NPBWR1: variants seen among roughly 807,000 people sequenced by gnomAD.
NPBWR1 encodes neuropeptides B and W receptor 1, also known as neuropeptides B/W receptor type 1.
Under a neutral mutation model 2.8 loss-of-function variants are expected in NPBWR1, and 4 were observed. The observed-to-expected ratio is 1.44, with a 90% CI of 0.71 to 3.29. The LOEUF is 3.29. Among genes scored for constraint, NPBWR1 ranks in the 30% most tolerant of loss-of-function variants. The pLI, the probability that NPBWR1 is intolerant of heterozygous loss-of-function variation, is 0.01. For synonymous variants in NPBWR1, 250 were observed against 224.5 expected, an observed-to-expected ratio of 1.11 and a Z score of -1.02; for missense variants, 545 against 462.5, an observed-to-expected ratio of 1.18 and a Z score of -1.64.
At position 52,940,383 on chromosome 8, in the gene NPBWR1, G is replaced by T; in HGVS notation, c.476G>T (p.Ser159Ile). ...ACCTACAGCGCCGCGCGCGCGGTGA[G>T]CCTGGCCGTGTGGGGGATCGTCACA... Reference protein sequence around the residue: ...GRTYSAARAVSLAVWGIVTLV... With the variant: ...GRTYSAARAVILAVWGIVTLV... The change falls in exon 2 of 2, where the codon AGC becomes ATC. Residue 159 changes from serine (S) to isoleucine (I), a missense_variant. Transcript: ENST00000674939. 1 of 1,603,770 alleles carries T rather than the reference G, an allele frequency of 6.2e-7. No homozygotes were observed. The highest frequency in any genetic ancestry group is 8.5e-7 in the Non-Finnish European group (1 of 1,178,730).
rs372278903 is a variant in NPBWR1, at chr8:52,939,921, C to G, written c.14C>G (p.Ser5Trp). The change falls in exon 2 of 2, where the codon TCG becomes TGG. Residue 5 changes from serine (S) to tryptophan (W), a missense_variant. Transcript: ENST00000674939. ...GCCCTCGTTGAGATGGACAACGCCT[C>G]GTTCTCGGAGCCCTGGCCCGCCAAC... Reference protein sequence around the residue: MDNASFSEPWPANAS... With the variant: MDNAWFSEPWPANAS... 1 of 1,548,928 alleles carries G rather than the reference C, an allele frequency of 6.5e-7. No individual in the cohort carries two copies. The highest frequency in any genetic ancestry group is 2.3e-5 in the East Asian group (1 of 44,228).
chr8:52,940,527 C>A lies in NPBWR1; in HGVS notation c.620C>A (p.Thr207Lys), dbSNP rs1189726218. 3 of 1,594,206 alleles carry A rather than the reference C, an allele frequency of 1.9e-6. No individual in the cohort carries two copies. Among genetic ancestry groups the A allele is most frequent in the Non-Finnish European group, 2.6e-6 (3 of 1,173,778 alleles). Residue 207 changes from threonine (T) to lysine (K), a missense_variant, in exon 2 of 2, where the codon ACG becomes AAG. By Grantham distance (78) the Thr-to-Lys change is moderately conservative (BLOSUM62 -1). Coordinates refer to ENST00000674939, the MANE Select transcript of NPBWR1 (RefSeq NM_005285.5). ...TGGTGGCGCGCGAGCCGCCTCTACA[C>A]GCTCGTGCTGGGCTTCGCCATCCCC... is the stretch of plus-strand genomic sequence containing the variant. ...AFWWRASRLY[T>K]LVLGFAIPVS... is the part of the protein sequence containing the mutation.
In NPBWR1 at chr8:52,942,590, A is replaced by G. The variant is rs1351603706; in HGVS notation, c.*1696A>G. ...TTTGGCATCTTCAATCAATTTCTCA[A>G]TTATTTAGGTTGAAAATAGCTTTTA... On this transcript the variant is annotated 3_prime_UTR_variant, in exon 2 of 2. Coordinates refer to ENST00000674939, the MANE Select transcript of NPBWR1 (RefSeq NM_005285.5). Among the ~76,000 whole-genome samples, 1 of 152,216 alleles carries G rather than the reference A, an allele frequency of 6.6e-6. No homozygotes were observed. The highest frequency in any genetic ancestry group is 1.9e-4 in the East Asian group (1 of 5,200).
Position 52,943,062 on chromosome 8 carries a change from G to A in NPBWR1, c.*2168G>A, listed in dbSNP as rs1408676281. ...TAAGGTGATGGACAAAGAGTAAGGTGAACATTTGGCTACAAACACAGCTGG... is the reference window on the plus strand; with the variant it reads ...TAAGGTGATGGACAAAGAGTAAGGTAAACATTTGGCTACAAACACAGCTGG... On this transcript the variant is annotated 3_prime_UTR_variant, in exon 2 of 2. Transcript: ENST00000674939. Among the ~76,000 whole-genome samples, 2 of 152,216 alleles carry A rather than the reference G, an allele frequency of 1.3e-5. No homozygotes were observed. Among genetic ancestry groups the A allele is most frequent in the African/African-American group, 2.4e-5 (1 of 41,456 alleles).
In NPBWR1 at chr8:52,939,798, G is replaced by T; in HGVS notation, c.-110G>T. ...AAACCAGAGAACGGCTTGGAGAGCT[G>T]AAACGAGCGTCCGCGAGCAGGTCCG... On this transcript the variant is annotated 5_prime_UTR_variant, in exon 2 of 2. Transcript: ENST00000674939. 7.9e-7 allele frequency: 1 copy of T among 1,269,964 alleles called. No homozygotes were observed. The highest frequency in any genetic ancestry group is 1.7e-5 in the South Asian group (1 of 59,728). The allele number at this position is 1,269,964 out of a possible 1,614,324, so 78.7% of individuals were successfully genotyped here.
rs1314389525 is a variant in NPBWR1, at chr8:52,940,007, G to GC, written c.101dup (p.Pro35AlafsTer326). 6.2e-7 allele frequency: 1 copy of GC among 1,604,192 alleles called. No individual in the cohort carries two copies. Among genetic ancestry groups the GC allele is most frequent in the East Asian group, 2.2e-5 (1 of 44,840 alleles). On this transcript the variant is annotated frameshift_variant, in exon 2 of 2. Transcript: ENST00000674939. LOFTEE classifies it low-confidence loss of function (END_TRUNC). Reference sequence around the variant, plus strand: ...CGCGTCGACTCTGGCGCCGCTGCCGGCGCCGCTGGCGGTGGCTGTACCAGT... The same window carrying GC: ...CGCGTCGACTCTGGCGCCGCTGCCGGCCGCCGCTGGCGGTGGCTGTACCAGT...
rs552619143 is a variant in NPBWR1 at position 52,943,128 on chromosome 8, C to T, written c.*2234C>T. ...TCAGTATCTCATCTGTCTTAATAAG[C>T]TCAGTAACTGGACTCAGATGGGGGA... On this transcript the variant is annotated 3_prime_UTR_variant, in exon 2 of 2. Transcript: ENST00000674939. 6.6e-6 allele frequency among the ~76,000 whole-genome samples: 1 copy of T among 152,314 alleles called. No homozygotes were observed. Among genetic ancestry groups the T allele is most frequent in the African/African-American group, 2.4e-5 (1 of 41,540 alleles).
rs1860164191 is a variant in NPBWR1 at position 52,940,070 on chromosome 8, A to G, written c.163A>G (p.Asn55Asp). ...AVICAVGLAG[N>D]SAVLYVLLRA... The stretch of plus-strand genomic sequence containing the variant: ...GATCTGCGCCGTGGGTCTGGCGGGC[A>G]ACTCCGCCGTGCTGTACGTGTTGCT... Residue 55 changes from asparagine (N) to aspartate (D), a missense_variant, in exon 2 of 2, where the codon AAC (asparagine) becomes GAC (aspartate). Asn to Asp is a conservative substitution (Grantham distance 23, BLOSUM62 1). Transcript: ENST00000674939. The G allele has an allele frequency of 2.5e-6, 4 of 1,610,078 alleles. No individual in the cohort carries two copies. Among genetic ancestry groups the G allele is most frequent in the Non-Finnish European group, 3.4e-6 (4 of 1,179,914 alleles).
Position 52,941,980 on chromosome 8 carries a change from T to C in NPBWR1, c.*1086T>C, listed in dbSNP as rs1477238725. 1.3e-5 allele frequency among the ~76,000 whole-genome samples: 2 copies of C among 152,262 alleles called. No homozygotes were observed. The highest frequency in any genetic ancestry group is 4.8e-5 in the African/African-American group (2 of 41,464). ...TCAGTTTGTTGTAACTGTTCATGTG[T>C]GTACTGTTTTTCAGGACTGAAAACT... On this transcript the variant is annotated 3_prime_UTR_variant, in exon 2 of 2. Transcript: ENST00000674939.
rs1163156562 is a variant in NPBWR1, at chr8:52,940,681, G to A, written c.774G>A (p.Ala258=). ...CCTTCCTGGTGGTGGCAATCCTGGC[G>A]GTGTGCCTCCTCTGCTGGACGCCCT... ...RVTFLVVAIL[A]VCLLCWTPYH... Residue 258 remains alanine (A), a synonymous_variant, in exon 2 of 2, where the codon GCG becomes GCA. Coordinates refer to ENST00000674939, the MANE Select transcript of NPBWR1 (RefSeq NM_005285.5). 6.2e-7 allele frequency: 1 copy of A among 1,612,482 alleles called. No individual in the cohort carries two copies. Among genetic ancestry groups the A allele is most frequent in the African/African-American group, 1.3e-5 (1 of 74,944 alleles).
In NPBWR1 at chr8:52,940,005, C is replaced by A. The variant is rs569623256; in HGVS notation, c.98C>A (p.Pro33Gln). 15 of 1,604,158 alleles carry A rather than the reference C, an allele frequency of 9.4e-6. No homozygotes were observed. In the Admixed American group the frequency reaches 2.0e-4, roughly 21 times the overall value. The stretch of plus-strand genomic sequence containing the variant: ...AACGCGTCGACTCTGGCGCCGCTGC[C>A]GGCGCCGCTGGCGGTGGCTGTACCA... Reference protein sequence around the residue: ...CSNASTLAPLPAPLAVAVPVV... With the variant: ...CSNASTLAPLQAPLAVAVPVV... Residue 33 changes from proline to glutamine, a missense_variant, in exon 2 of 2, where the codon CCG becomes CAG. Physicochemically the swap from Pro to Gln is moderately conservative, Grantham distance 76 (BLOSUM62 -1). Transcript: ENST00000674939.
In NPBWR1 at chr8:52,941,734, C is replaced by A. The variant is rs917030177; in HGVS notation, c.*840C>A. On this transcript the variant is annotated 3_prime_UTR_variant, in exon 2 of 2. Transcript: ENST00000674939. The stretch of plus-strand genomic sequence containing the variant: ...ATCTCCCCTGAAAATGTCAGACTCC[C>A]GGAGCAAGGAACCCGGAGTAGCCCG... Among the ~76,000 whole-genome samples the A allele has an allele frequency of 1.3e-5, 2 of 152,192 alleles. No individual in the cohort carries two copies. The highest frequency in any genetic ancestry group is 2.4e-5 in the African/African-American group (1 of 41,470).
At position 52,941,800 on chromosome 8, in the gene NPBWR1, A is replaced by T. The variant is rs1802874494; in HGVS notation, c.*906A>T. Among the ~76,000 whole-genome samples, 1 of 152,168 alleles carries T rather than the reference A, an allele frequency of 6.6e-6. No individual in the cohort carries two copies. Among genetic ancestry groups the T allele is most frequent in the East Asian group, 1.9e-4 (1 of 5,158 alleles). On this transcript the variant is annotated 3_prime_UTR_variant, in exon 2 of 2. Coordinates refer to ENST00000674939, the MANE Select transcript of NPBWR1 (RefSeq NM_005285.5). ...CGCCCCCTGGAGGAGCCAGCGGCCG[A>T]GTGCTTAGCGTCGGAGGATCGCGGG...
At position 52,941,820 on chromosome 8, in the gene NPBWR1, CG is replaced by C. The variant is rs1802874762; in HGVS notation, c.*927del. On this transcript the variant is annotated 3_prime_UTR_variant, in exon 2 of 2. Transcript: ENST00000674939. ...GGCCGAGTGCTTAGCGTCGGAGGATCGCGGGGCTTTGTGGTGGAGCACTCCG... is the reference window on the plus strand; with the variant it reads ...GGCCGAGTGCTTAGCGTCGGAGGATCCGGGGCTTTGTGGTGGAGCACTCCG... Among the ~76,000 whole-genome samples, 1 of 152,192 alleles carries C rather than the reference CG, an allele frequency of 6.6e-6. No homozygotes were observed. The highest frequency in any genetic ancestry group is 2.1e-4 in the South Asian group (1 of 4,834).
Position 52,940,730 on chromosome 8 carries a change from C to T in NPBWR1, c.823C>T (p.Leu275Phe), listed in dbSNP as rs1860182444. Residue 275 changes from leucine (L) to phenylalanine (F), a missense_variant, in exon 2 of 2, where the codon CTC (leucine) becomes TTC (phenylalanine). By Grantham distance (22) the Leu-to-Phe change is conservative. Coordinates refer to ENST00000674939, the MANE Select transcript of NPBWR1 (RefSeq NM_005285.5). Reference protein sequence around the residue: ...TPYHLSTVVALTTDLPQTPLV... With the variant: ...TPYHLSTVVAFTTDLPQTPLV... The stretch of plus-strand genomic sequence containing the variant: ...CTACCACCTGAGCACCGTGGTGGCG[C>T]TCACCACCGACCTCCCGCAGACGCC... The T allele has an allele frequency of 2.5e-6, 4 of 1,613,664 alleles. No homozygotes were observed. In the African/African-American group the frequency reaches 5.3e-5, roughly 22 times the overall value.
chr8:52,940,899 C>G lies in NPBWR1; in HGVS notation c.*5C>G, dbSNP rs759521784. ...ACTTGCCGCGCGGCAGCCTGACTCC[C>G]CCAGCGTCCGGCTCCGCAACTGCCC... is the stretch of plus-strand genomic sequence containing the variant. On this transcript the variant is annotated 3_prime_UTR_variant, in exon 2 of 2. Transcript: ENST00000674939. The G allele has an allele frequency of 2.5e-6, 4 of 1,586,740 alleles. No homozygotes were observed. The highest frequency in any genetic ancestry group is 3.4e-6 in the Non-Finnish European group (4 of 1,167,846).
rs1313506696 is a variant in NPBWR1 at position 52,941,686 on chromosome 8, G to T, written c.*792G>T. ...CTGTCTGCCCCTACTCCTTTTCTTT[G>T]CCTTTTCCCTTTCCTATCCGTGATC... On this transcript the variant is annotated 3_prime_UTR_variant, in exon 2 of 2. Transcript: ENST00000674939. Among the ~76,000 whole-genome samples the T allele has an allele frequency of 6.6e-6, 1 of 152,206 alleles. No individual in the cohort carries two copies. Among genetic ancestry groups the T allele is most frequent in the Non-Finnish European group, 1.5e-5 (1 of 68,040 alleles).
At position 52,940,613 on chromosome 8, in the gene NPBWR1, G is replaced by C. The variant is rs1360406518; in HGVS notation, c.706G>C (p.Asp236His). The stretch of plus-strand genomic sequence containing the variant: ...GTGCCGGCTGCATGCCATGCGGCTG[G>C]ACAGCCACGCCAAGGCCCTGGAGCG... ...LLCRLHAMRL[D>H]SHAKALERAK... is the part of the protein sequence containing the mutation. The change falls in exon 2 of 2, where the codon GAC becomes CAC. Residue 236 changes from aspartate to histidine, a missense_variant. Asp to His is a moderately conservative substitution (Grantham distance 81). Coordinates refer to ENST00000674939, the MANE Select transcript of NPBWR1 (RefSeq NM_005285.5). 1 of 1,606,396 alleles carries C rather than the reference G, an allele frequency of 6.2e-7. No individual in the cohort carries two copies. The highest frequency in any genetic ancestry group is 8.5e-7 in the Non-Finnish European group (1 of 1,177,940).
At chr8:52,939,644 G>A in intron 1 of NPBWR1, 67 bp from the exon 2 acceptor site, 4 of 412,664 alleles carry the variant, frequency 9.7e-6, no homozygotes, top group South Asian at 7.4e-5. Context: ...ACCCCTCCTC[G>A]GGACCGCGCC....
Sources: allele counts gnomAD v4.1 joint callset (sites outside exome capture counted in the v4.1 genomes callset), GRCh38; gene constraint gnomAD v4.1.1; transcripts MANE v1.5; gene names NCBI Gene and HGNC (gene_info 2026-07-23, HGNC 2026-07-21).